Variants in LNX1 observed in about 807,000 individuals in gnomAD.
LNX1 encodes the protein E3 ubiquitin-protein ligase LNX.
In LNX1, 54 loss-of-function variants were observed where a neutral mutation model predicts 68.4. The ratio of observed to expected loss-of-function variants is 0.79; its 90% confidence interval spans 0.63 to 0.99. The LOEUF (loss-of-function observed/expected upper bound fraction) is 0.99, where lower values mean the gene tolerates loss of function less well. Ranked by LOEUF, LNX1 falls within the 50% of genes least tolerant of loss-of-function variation. The probability of loss-of-function intolerance (pLI) is 0.00; values close to 1 mark genes in which losing one functional copy is unlikely to be tolerated. For synonymous variants in LNX1, 336 were observed against 350.0 expected (o/e 0.96, Z 0.45); for missense variants, 906 against 926.4 (o/e 0.98, Z 0.29).
chr4:53,532,234 G>T (rs2109621961), intron 2 of LNX1, among the ~76,000 whole-genome samples: 1 of 152,338 alleles, frequency 6.6e-6, no homozygotes, highest in East Asian at 1.9e-4. Flanking sequence ...CCAGCACTTG[G>T]GGGTGCTGAG....
intron 2 of LNX1, among the ~76,000 whole-genome samples, chr4:53,521,318 G>C (rs1338032706): frequency 6.6e-6 from 1 of 152,180 alleles, no homozygotes; most frequent in African/African-American, 2.4e-5. Flanking sequence ...AGGTGTGGGG[G>C]AAGGTGAAAA....
At chr4:53,598,257 G>C (rs1332476418) in intron 2 of LNX1, among the ~76,000 whole-genome samples, 1 of 150,082 alleles carries the variant, frequency 6.7e-6, no homozygotes, top group East Asian at 1.9e-4. Flanking sequence ...TTTTGAGACA[G>C]GGTCTTGCTT....
chr4:53,459,986 C>T lies in LNX1; in HGVS notation c.*921G>A, dbSNP rs1169021324. 3 of 212,990 alleles carry T rather than the reference C, an allele frequency of 1.4e-5. No homozygotes were observed. Among genetic ancestry groups the T allele is most frequent in the East Asian group, 7.0e-5 (1 of 14,340 alleles). The allele number at this position is 212,990 out of a possible 1,614,324, so 13.2% of individuals were successfully genotyped here. On this transcript the variant is annotated 3_prime_UTR_variant, in exon 11 of 11. Coordinates refer to ENST00000263925, the MANE Select transcript of LNX1 (RefSeq NM_001126328.3). ...TTCTAAATTTGGGTTCCTGGTGAAA[C>T]CAAATGGGGTACACTTTCATATCCA...
At chr4:53,613,636 T>A (rs1291412029) in intron 2 of LNX1, among the ~76,000 whole-genome samples, 1 of 152,172 alleles carries the variant, frequency 6.6e-6, no homozygotes, top group Non-Finnish European at 1.5e-5. Flanking sequence ...AAAGACATGA[T>A]CTAATTCTTT....
In LNX1 at chr4:53,501,584, C is replaced by G. The variant is rs978083957; in HGVS notation, c.776-2741G>C. On this transcript the variant is annotated intron_variant, in intron 4 of 10. Transcript: ENST00000263925. ...CGGTGTAAGCCACCATGCCCAGACC[C>G]ATCTCTGTCTTTTCAGATGAAGAAA... Among the ~76,000 whole-genome samples the G allele has an allele frequency of 9.2e-4, 140 of 152,304 alleles. 1 individual carries two copies. The highest frequency in any genetic ancestry group is 3.3e-3 in the African/African-American group (137 of 41,568).
intron 2 of LNX1, among the ~76,000 whole-genome samples, chr4:53,545,802 A>AT (rs71197029): frequency 0.02 from 2,248 of 111,544 alleles, 47 homozygotes; most frequent in East Asian, 0.085. Context: ...CAGAGGCCAC[A>AT]TTTTTTTTTT....
intron 1 of LNX1, among the ~76,000 whole-genome samples, chr4:53,576,646 A>G (rs1208198588): frequency 6.6e-6 from 1 of 151,802 alleles, no homozygotes; most frequent in Non-Finnish European, 1.5e-5. Flanking sequence ...ATAAATTAAA[A>G]AAAAAAGAAT....
intron 9 of LNX1, among the ~76,000 whole-genome samples, chr4:53,471,901 A>G (rs1197441448): frequency 6.6e-6 from 1 of 152,226 alleles, no homozygotes; most frequent in Non-Finnish European, 1.5e-5. Context: ...ACTGTAAACT[A>G]GTTCAACCAT....
chr4:53,543,879 T>C (rs1402725854), intron 2 of LNX1, among the ~76,000 whole-genome samples: 3 of 151,454 alleles, frequency 2.0e-5, no homozygotes, highest in African/African-American at 7.3e-5. Flanking sequence ...ACTAAGCAAC[T>C]GAATGGGGGA....
chr4:53,582,095 T>TG (rs1731870976), intron 1 of LNX1, among the ~76,000 whole-genome samples: 1 of 50,752 alleles, frequency 2.0e-5, no homozygotes, highest in Non-Finnish European at 4.2e-5. Context: ...TTTAGAAACC[T>TG]AAGAATATCA....
chr4:53,517,347 T>A (rs942711006), intron 2 of LNX1, among the ~76,000 whole-genome samples: 1 of 152,186 alleles, frequency 6.6e-6, no homozygotes, highest in Non-Finnish European at 1.5e-5. Context: ...GCACTAGAAA[T>A]CTTTATTGTG....
intron 6 of LNX1, among the ~76,000 whole-genome samples, chr4:53,492,075 C>T (rs1259755635): frequency 6.6e-6 from 1 of 152,184 alleles, no homozygotes; most frequent in Non-Finnish European, 1.5e-5. Flanking sequence ...GCATGAGCCA[C>T]TGCGCTTGGC....
chr4:53,591,694 A>G (rs7691817), upstream of LNX1: 69,999 of 505,166 alleles, frequency 0.14, 5,281 homozygotes, highest in African/African-American at 0.18. Flanking sequence ...GTGGACAAAT[A>G]AATCAGTTAG....
chr4:53,463,050 T>C (rs892167422), intron 9 of LNX1, among the ~76,000 whole-genome samples: 4 of 152,172 alleles, frequency 2.6e-5, no homozygotes, highest in Non-Finnish European at 5.9e-5. Flanking sequence ...ATGATTGTTA[T>C]CTAAGGTCAT....
chr4:53,483,560 C>T (rs555120509), intron 6 of LNX1, among the ~76,000 whole-genome samples: 2 of 152,264 alleles, frequency 1.3e-5, no homozygotes, highest in African/African-American at 4.8e-5. Context: ...AGCCAGCTGA[C>T]CTCATTTATC....
At chr4:53,628,038 A>C (rs1207397909) in intron 1 of LNX1, among the ~76,000 whole-genome samples, 1 of 152,174 alleles carries the variant, frequency 6.6e-6, no homozygotes, top group Non-Finnish European at 1.5e-5. Context: ...ACTTGAAGGC[A>C]TTTTTCTTTA....
chr4:53,645,417 A>C (rs576625517), intron 1 of LNX1, among the ~76,000 whole-genome samples: 1 of 152,172 alleles, frequency 6.6e-6, no homozygotes, highest in Non-Finnish European at 1.5e-5. Context: ...GTCAGTGTGC[A>C]CTACCATTGG....
intron 10 of LNX1, 125 bp downstream of exon 10, chr4:53,461,310 C>G: frequency 1.3e-6 from 1 of 791,566 alleles, no homozygotes; most frequent in Non-Finnish European, 2.0e-6. Flanking sequence ...AAGTTGAATG[C>G]TACGTACATA....
At chr4:53,577,994 G>A (rs1197033349) in intron 1 of LNX1, among the ~76,000 whole-genome samples, 13 of 152,084 alleles carry the variant, frequency 8.5e-5, no homozygotes, top group Admixed American at 8.5e-4. Flanking sequence ...AGTATATTAT[G>A]TTATTCAATC....
Sources: allele counts gnomAD v4.1 joint callset (sites outside exome capture counted in the v4.1 genomes callset), GRCh38; gene constraint gnomAD v4.1.1; transcripts MANE v1.5; gene names NCBI Gene and HGNC (gene_info 2026-07-23, HGNC 2026-07-21).